SETBP1: variants seen among roughly 807,000 people sequenced by gnomAD.
The protein encoded by SETBP1 is SET binding protein 1, also known as SET-binding protein.
Under a neutral mutation model 101.0 loss-of-function variants are expected in SETBP1, and 9 were observed. That is an observed-to-expected ratio of 0.09 (90% CI 0.05 to 0.16). The LOEUF is 0.16. Ranked by LOEUF, SETBP1 falls within the 10% of genes least tolerant of loss-of-function variation. The probability of loss-of-function intolerance (pLI) is 1.00; values close to 1 mark genes in which losing one functional copy is unlikely to be tolerated. For missense variants in SETBP1, 1,858 were observed against 2,033.8 expected, an observed-to-expected ratio of 0.91 and a Z score of 1.66; for synonymous variants, 818 against 788.5, an observed-to-expected ratio of 1.04 and a Z score of -0.63.
chr18:44,894,442 G>A (rs1007400329), intron 3 of SETBP1, among the ~76,000 whole-genome samples: 4 of 151,914 alleles, frequency 2.6e-5, no homozygotes, highest in African/African-American at 9.7e-5. Context: ...CTTAATTGAG[G>A]TAGTAATATT....
intron 4 of SETBP1, among the ~76,000 whole-genome samples, chr18:45,012,346 T>C (rs966847075): frequency 1.3e-5 from 2 of 152,068 alleles, no homozygotes; most frequent in African/African-American, 4.8e-5. Context: ...AGATTTCGGA[T>C]TGGCTAGTCG....
chr18:44,827,062 A>G (rs112820194), intron 2 of SETBP1, among the ~76,000 whole-genome samples: 2 of 152,218 alleles, frequency 1.3e-5, no homozygotes, highest in African/African-American at 2.4e-5. Flanking sequence ...ACCTCAGTTC[A>G]TGATGCAATC....
At chr18:44,987,807 C>T (rs1318190952) in intron 4 of SETBP1, 1 of 152,164 alleles carries the variant, frequency 6.6e-6, no homozygotes, top group East Asian at 1.9e-4. Flanking sequence ...AGCACAGCAG[C>T]ATGTGCCTGT....
At position 44,953,224 on chromosome 18, in the gene SETBP1, T is replaced by G; in HGVS notation, c.3884T>G (p.Val1295Gly). 4 of 1,613,548 alleles carry G rather than the reference T, an allele frequency of 2.5e-6. No individual in the cohort carries two copies. Among genetic ancestry groups the G allele is most frequent in the Non-Finnish European group, 3.4e-6 (4 of 1,179,916 alleles). The change falls in exon 4 of 6, where the codon GTG becomes GGG. Residue 1295 changes from valine (V) to glycine (G), a missense_variant. By Grantham distance (109) the Val-to-Gly change is moderately radical. Around this residue, in one of 12 missense-constraint regions of SETBP1, gnomAD observed 417 missense variants for 389.1 expected, o/e 1.07. Transcript: ENST00000649279. The stretch of plus-strand genomic sequence containing the variant: ...TCGAATGACAAGTGGGACAGTGACG[T>G]GAGTGGGAGTAAAAGGAGGAGCTAT... ...NPSNDKWDSD[V>G]SGSKRRSYEG...
At chr18:44,829,582 T>C (rs1248138933) in intron 2 of SETBP1, among the ~76,000 whole-genome samples, 1 of 152,218 alleles carries the variant, frequency 6.6e-6, no homozygotes, top group Non-Finnish European at 1.5e-5. Flanking sequence ...ATTTTTAATC[T>C]CAACTCATCA....
chr18:44,762,434 T>C (rs999615045), intron 2 of SETBP1, among the ~76,000 whole-genome samples: 1 of 152,256 alleles, frequency 6.6e-6, no homozygotes, highest in African/African-American at 2.4e-5. Flanking sequence ...TTGTCCATTC[T>C]TTTCTGTGTC....
chr18:45,063,094 A>G lies in SETBP1; in HGVS notation c.4187A>G (p.Lys1396Arg). The part of the protein sequence containing the change: ...ATSDAVGSSL[K>R]KRFKRREIEA... ...CCTCCCGCAGTCGGCTCCTCCCTGA[A>G]GAAGAGGTTCAAGCGGCGGGAGATC... Residue 1396 changes from lysine (K) to arginine (R), a missense_variant, in exon 6 of 6, where the codon AAG becomes AGG. Around this residue, in one of 12 missense-constraint regions of SETBP1, gnomAD observed 417 missense variants for 389.1 expected, o/e 1.07. Coordinates refer to ENST00000649279, the MANE Select transcript of SETBP1 (RefSeq NM_015559.3). 5.6e-6 allele frequency: 9 copies of G among 1,614,004 alleles called. No individual in the cohort carries two copies. Among genetic ancestry groups the G allele is most frequent in the Non-Finnish European group, 7.6e-6 (9 of 1,180,000 alleles).
upstream of SETBP1, chr18:44,680,294 A>G (rs1462580758): frequency 6.7e-6 from 1 of 149,156 alleles, no homozygotes; most frequent in Non-Finnish European, 1.5e-5. Flanking sequence ...GCTCATCGCC[A>G]TGGAGTTGCC....
At chr18:44,766,919 A>T (rs2070773334) in intron 2 of SETBP1, among the ~76,000 whole-genome samples, 1 of 152,194 alleles carries the variant, frequency 6.6e-6, no homozygotes, top group African/African-American at 2.4e-5. Flanking sequence ...TTGAGTATGG[A>T]TCTATTATAG....
intron 3 of SETBP1, among the ~76,000 whole-genome samples, chr18:44,902,381 C>A (rs1167464985): frequency 6.6e-6 from 1 of 151,382 alleles, no homozygotes; most frequent in Non-Finnish European, 1.5e-5. Context: ...CATGTATGTA[C>A]CTTTTAATAA....
chr18:44,837,373 CA>C (rs776905581), intron 2 of SETBP1, among the ~76,000 whole-genome samples: 2 of 152,206 alleles, frequency 1.3e-5, no homozygotes, highest in Non-Finnish European at 2.9e-5. Flanking sequence ...TCATCTATAG[CA>C]AGCCTTTTTC....
At chr18:44,940,663 T>C (rs1055001108) in intron 3 of SETBP1, among the ~76,000 whole-genome samples, 1 of 152,214 alleles carries the variant, frequency 6.6e-6, no homozygotes, top group Non-Finnish European at 1.5e-5. Context: ...GCTCTTATTC[T>C]TTGTTTTATT....
At chr18:44,879,518 A>G (rs2069483124) in intron 3 of SETBP1, among the ~76,000 whole-genome samples, 1 of 152,178 alleles carries the variant, frequency 6.6e-6, no homozygotes, top group Admixed American at 6.5e-5. Context: ...TTGATCTTGG[A>G]CTGTTGAAGT....
Position 44,764,335 on chromosome 18 carries a change from G to A in SETBP1, c.486+62503G>A, listed in dbSNP as rs113841848. Among the ~76,000 whole-genome samples the A allele has an allele frequency of 1.3e-3, 201 of 152,248 alleles. 2 individuals carry two copies. The highest frequency in any genetic ancestry group is 4.1e-3 in the African/African-American group (169 of 41,544). The stretch of plus-strand genomic sequence containing the variant: ...GATTCCTCTGCTTATGTATCCATTC[G>A]TTATCCATGATGTTTCTCCTGACTA... On this transcript the variant is annotated intron_variant, in intron 2 of 5. Coordinates refer to ENST00000649279, the MANE Select transcript of SETBP1 (RefSeq NM_015559.3).
chr18:44,881,946 G>T (rs144373416), intron 3 of SETBP1, among the ~76,000 whole-genome samples: 2 of 152,114 alleles, frequency 1.3e-5, no homozygotes, highest in African/African-American at 4.8e-5. Flanking sequence ...TTGGAGTGTC[G>T]GACGGATAAC....
chr18:44,972,939 A>C lies in SETBP1; in HGVS notation c.4000+19599A>C, dbSNP rs191603847. 2.2e-3 allele frequency among the ~76,000 whole-genome samples: 336 copies of C among 152,318 alleles called. 1 individual carries two copies. Among genetic ancestry groups the C allele is most frequent in the African/African-American group, 7.6e-3 (317 of 41,570 alleles). On this transcript the variant is annotated intron_variant, in intron 4 of 5. Coordinates refer to ENST00000649279, the MANE Select transcript of SETBP1 (RefSeq NM_015559.3). ...TTGAATAGGAGTGGTGAGAGAGGGC[A>C]TCCCTGTCTTGTGCCAGTTTTCAAA...
In SETBP1 at chr18:44,708,920, T is replaced by A. The variant is rs561384630; in HGVS notation, c.486+7088T>A. Among the ~76,000 whole-genome samples the A allele has an allele frequency of 1.1e-4, 16 of 152,358 alleles. No individual in the cohort carries two copies. In the South Asian group the frequency reaches 3.3e-3, roughly 32 times the overall value. ...CTATAAACAGATTTTTGACCTCTGTTTGGACCCACTGTTCCGTCATCAAAT... is the reference window on the plus strand; with the variant it reads ...CTATAAACAGATTTTTGACCTCTGTATGGACCCACTGTTCCGTCATCAAAT... On this transcript the variant is annotated intron_variant, in intron 2 of 5. Coordinates refer to ENST00000649279, the MANE Select transcript of SETBP1 (RefSeq NM_015559.3).
chr18:45,057,025 T>C (rs953859797), intron 5 of SETBP1, among the ~76,000 whole-genome samples: 1 of 152,142 alleles, frequency 6.6e-6, no homozygotes, highest in Non-Finnish European at 1.5e-5. Context: ...TATGTTAAGA[T>C]GATATTAAGA....
At chr18:44,947,680 A>G (rs960600282) in intron 3 of SETBP1, among the ~76,000 whole-genome samples, 2 of 151,842 alleles carry the variant, frequency 1.3e-5, no homozygotes, top group African/African-American at 2.4e-5. Flanking sequence ...CTAATTTTGT[A>G]TTTTTAGTAG....
Sources: allele counts gnomAD v4.1 joint callset (sites outside exome capture counted in the v4.1 genomes callset), GRCh38; gene constraint gnomAD v4.1.1; regional missense constraint gnomAD v4.1.1; transcripts MANE v1.5; gene names NCBI Gene and HGNC (gene_info 2026-07-23, HGNC 2026-07-21).